Variants in KHDC1 observed in about 807,000 individuals in gnomAD.
The protein encoded by KHDC1 is KH homology domain-containing protein 1.
In KHDC1, 21 loss-of-function variants were observed where a neutral mutation model predicts 24.7. That is an observed-to-expected ratio of 0.85 (90% confidence interval 0.60 to 1.23). KHDC1 has a LOEUF of 1.23. Ranked by LOEUF, KHDC1 falls within the 50% of genes most tolerant of loss-of-function variation. The pLI is 0.00. For missense variants in KHDC1, 274 were observed against 298.5 expected (o/e 0.92, Z 0.61); for synonymous variants, 98 against 111.7 (o/e 0.88, Z 0.77).
intron 2 of KHDC1, among the ~76,000 whole-genome samples, chr6:73,256,000 T>A (rs1046021839): frequency 3.3e-5 from 5 of 151,900 alleles, no homozygotes; most frequent in African/African-American, 4.8e-5. Context: ...GAAGTCTGAA[T>A]GGAGTTAGAA....
chr6:73,263,058 GGCGGCGGCGGCAGCGGCGGCA>G (rs1767012708), intron 2 of KHDC1: 1 of 110,126 alleles, frequency 9.1e-6, no homozygotes, highest in South Asian at 3.9e-4. Flanking sequence ...CGGCGGCGGC[GGCGGCGGCGGCAGCGGCGGCA>G]GCGGCTGCAG....
intron 2 of KHDC1, among the ~76,000 whole-genome samples, chr6:73,286,882 CAAA>C (rs34820901): frequency 1.4e-5 from 2 of 141,674 alleles, no homozygotes; most frequent in African/African-American, 2.6e-5. Flanking sequence ...GACTCTGTCT[CAAA>C]AAAAAAAAAA....
At chr6:73,263,324 T>C in intron 2 of KHDC1, 128 bp from the exon 1 acceptor site, 1 of 975,542 alleles carries the variant, frequency 1.0e-6, no homozygotes, top group African/African-American at 1.8e-5. Flanking sequence ...CAGCAGCTCT[T>C]GAGTCCAGGA....
intron 2 of KHDC1, chr6:73,291,204 A>T (rs558143995): frequency 1.5e-5 from 7 of 463,336 alleles, no homozygotes; most frequent in Non-Finnish European, 3.0e-5. Context: ...ACCATGAATG[A>T]CTGGTCTGCA....
intron 1 of KHDC1, among the ~76,000 whole-genome samples, chr6:73,302,893 A>G (rs1767902227): frequency 1.3e-5 from 2 of 152,212 alleles, no homozygotes; most frequent in Admixed American, 1.3e-4. Flanking sequence ...CCTAGCCAAC[A>G]TAGTGAAACC....
chr6:73,268,691 C>T (rs9800824), intron 2 of KHDC1: 42,059 of 152,142 alleles, frequency 0.28, 6,465 homozygotes, highest in African/African-American at 0.41. Flanking sequence ...AGAGTGTTGA[C>T]TGGTGCACTC....
At chr6:73,281,707 C>T (rs1041489336) in intron 2 of KHDC1, among the ~76,000 whole-genome samples, 1 of 151,688 alleles carries the variant, frequency 6.6e-6, no homozygotes, top group African/African-American at 2.4e-5. Context: ...TCAGTTTTTC[C>T]TATTATTAAC....
intron 2 of KHDC1, chr6:73,262,933 C>G (rs1366296120): frequency 2.3e-5 from 23 of 988,786 alleles, no homozygotes; most frequent in Non-Finnish European, 2.8e-5. Flanking sequence ...ACCGGACTAA[C>G]CGAGTTCGAG....
At chr6:73,279,350 G>A (rs1329509774) in intron 2 of KHDC1, among the ~76,000 whole-genome samples, 2 of 152,080 alleles carry the variant, frequency 1.3e-5, no homozygotes, top group African/African-American at 4.8e-5. Flanking sequence ...GGAGGCTGCA[G>A]TGAGCCAAGA....
At chr6:73,271,096 ATTAGC>A (rs1340274258) in intron 2 of KHDC1, among the ~76,000 whole-genome samples, 7 of 152,214 alleles carry the variant, frequency 4.6e-5, no homozygotes, top group African/African-American at 1.7e-4. Context: ...GAATGGTGAA[ATTAGC>A]TTAGTCGGTC....
chr6:73,244,702 CG>C lies in KHDC1; in HGVS notation c.207-2173del, dbSNP rs879773407. Among the ~76,000 whole-genome samples, 64 of 36,708 alleles carry C rather than the reference CG, an allele frequency of 1.7e-3. 2 individuals carry two copies. The highest frequency in any genetic ancestry group is 0.013 in the Middle Eastern group (1 of 76). 24.1% of individuals were successfully genotyped at this position (36,708 alleles called of 152,430 possible). ...GGTTTGGGGGAGGTGGGCGGGGGGG[CG>C]GGGGGGGGCTCCGTAAGCCAAGATT... On this transcript the variant is annotated intron_variant, in intron 2 of 4. Transcript: ENST00000370384.
intron 2 of KHDC1, among the ~76,000 whole-genome samples, chr6:73,289,211 G>A (rs562936456): frequency 9.9e-4 from 150 of 151,580 alleles, no homozygotes; most frequent in African/African-American, 3.5e-3. Context: ...GCACATGCCT[G>A]TAGTCCCAGC....
intron 2 of KHDC1, among the ~76,000 whole-genome samples, chr6:73,267,614 G>A (rs965650008): frequency 6.6e-6 from 1 of 152,180 alleles, no homozygotes; most frequent in Non-Finnish European, 1.5e-5. Context: ...AGTTTAATTT[G>A]TCCTCAGAAA....
chr6:73,296,039 G>A (rs576412940), intron 1 of KHDC1, among the ~76,000 whole-genome samples: 1 of 152,112 alleles, frequency 6.6e-6, no homozygotes, highest in Admixed American at 6.6e-5. Context: ...CTACTCGGGA[G>A]GCTGAGGCAG....
At chr6:73,271,791 G>A (rs1767184553) in intron 2 of KHDC1, among the ~76,000 whole-genome samples, 2 of 151,562 alleles carry the variant, frequency 1.3e-5, no homozygotes, top group Non-Finnish European at 2.9e-5. Context: ...CTACTAGGGG[G>A]TGCTGAGGCA....
exon 1 of KHDC1, chr6:73,309,782 G>A (rs1237621535): frequency 6.6e-6 from 10 of 1,504,174 alleles, no homozygotes; most frequent in African/African-American, 1.4e-5. Flanking sequence ...TCCCGCCACC[G>A]CAGAGCCCGC....
chr6:73,270,852 G>A (rs145356449), intron 2 of KHDC1, among the ~76,000 whole-genome samples: 8,440 of 151,896 alleles, frequency 0.056, 274 homozygotes, highest in African/African-American at 0.09. Context: ...CACCACGCCT[G>A]GCTAATTTTT....
chr6:73,248,437 C>A (rs1766715085), intron 2 of KHDC1, among the ~76,000 whole-genome samples: 1 of 152,058 alleles, frequency 6.6e-6, no homozygotes. Context: ...CTTCTTCCCC[C>A]TCCTTCCTCT....
intron 2 of KHDC1, among the ~76,000 whole-genome samples, chr6:73,289,645 G>A (rs1049362677): frequency 6.6e-5 from 10 of 150,866 alleles, no homozygotes; most frequent in Non-Finnish European, 1.2e-4. Flanking sequence ...GTAAGACCCT[G>A]TCTCATAACA....
Sources: allele counts gnomAD v4.1 joint callset (sites outside exome capture counted in the v4.1 genomes callset), GRCh38; gene constraint gnomAD v4.1.1; transcripts MANE v1.5; gene names NCBI Gene and HGNC (gene_info 2026-07-23, HGNC 2026-07-21).